TTC34: variants seen among roughly 807,000 people sequenced by gnomAD.
TTC34 encodes tetratricopeptide repeat protein 34.
Under a neutral mutation model 40.7 loss-of-function variants are expected in TTC34, and 44 were observed. The ratio of observed to expected loss-of-function variants is 1.08; its 90% confidence interval spans 0.85 to 1.39. The LOEUF (loss-of-function observed/expected upper bound fraction) is 1.39. TTC34 is among the 40% of genes most tolerant of loss of function. The pLI is 0.00. For synonymous variants in TTC34, 422 were observed against 398.6 expected, an observed-to-expected ratio of 1.06 and a Z score of -0.70; for missense variants, 884 against 838.0, an observed-to-expected ratio of 1.05 and a Z score of -0.68.
intron 6 of TTC34, among the ~76,000 whole-genome samples, chr1:2,752,733 C>T (rs1400917846): frequency 3.4e-5 from 4 of 118,076 alleles, no homozygotes; most frequent in East Asian, 5.7e-4. Context: ...GCACCCTGCA[C>T]CCCCAGGACA....
chr1:2,775,667 C>G lies in TTC34; in HGVS notation c.2226+7942G>C, dbSNP rs562541793. ...TCTGACAGGATAAAACAGCACCCCA[C>G]AACCCCAGGTGATCATTTGCCAGCC... On this transcript the variant is annotated intron_variant, in intron 6 of 8. Coordinates refer to ENST00000401095, the Ensembl canonical transcript of TTC34. 35 of 148,762 alleles carry G rather than the reference C, an allele frequency of 2.4e-4. 2 individuals carry two copies. Among genetic ancestry groups the G allele is most frequent in the African/African-American group, 8.6e-4 (33 of 38,376 alleles). 9.2% of individuals were successfully genotyped at this position (148,762 alleles called of 1,614,324 possible). A position where few individuals can be genotyped will look rare whatever the true frequency, so the allele number is the denominator to read the frequency against.
intron 6 of TTC34, among the ~76,000 whole-genome samples, chr1:2,677,614 C>CG (rs1639956716): frequency 1.2e-5 from 1 of 82,524 alleles, no homozygotes; most frequent in South Asian, 4.5e-4. Flanking sequence ...GCTGCCCCCC[C>CG]AGGTGAGCAT....
chr1:2,686,997 C>A (rs1640390086), intron 6 of TTC34, among the ~76,000 whole-genome samples: 3 of 150,066 alleles, frequency 2.0e-5, no homozygotes, highest in Non-Finnish European at 4.4e-5. Flanking sequence ...TGGAAAAGCA[C>A]CCACACCCCC....
intron 6 of TTC34, among the ~76,000 whole-genome samples, chr1:2,674,983 C>A (rs4648715): frequency 7.9e-6 from 1 of 127,242 alleles, no homozygotes; most frequent in African/African-American, 3.0e-5. Flanking sequence ...ACCTGACAAC[C>A]TGGAGCAGCA....
chr1:2,643,077 T>C (rs376070923), intron 8 of TTC34, among the ~76,000 whole-genome samples: 8 of 152,064 alleles, frequency 5.3e-5, no homozygotes, highest in African/African-American at 4.8e-5. Context: ...GCCGGGTCCA[T>C]GGCAGCAGGA....
intron 6 of TTC34, among the ~76,000 whole-genome samples, chr1:2,688,314 G>C (rs201698618): frequency 7.9e-6 from 1 of 125,954 alleles, no homozygotes; most frequent in African/African-American, 3.2e-5. Context: ...TGACAGCCTG[G>C]AGCAGAACCC....
chr1:2,697,555 C>CCACACCCG (rs1640923285), intron 6 of TTC34, among the ~76,000 whole-genome samples: 1 of 67,868 alleles, frequency 1.5e-5, no homozygotes, highest in African/African-American at 5.1e-5. Flanking sequence ...GGCCTGGAAC[C>CCACACCCG]GCACCCACAC....
chr1:2,752,900 GGTGA>G (rs1641371766), intron 6 of TTC34, among the ~76,000 whole-genome samples: 1 of 128,416 alleles, frequency 7.8e-6, no homozygotes, highest in African/African-American at 2.9e-5. Context: ...CACACCCCCA[GGTGA>G]GCATCCGACA....
chr1:2,753,054 C>A (rs1641377434), intron 6 of TTC34, among the ~76,000 whole-genome samples: 6 of 149,648 alleles, frequency 4.0e-5, no homozygotes, highest in South Asian at 2.1e-4. Flanking sequence ...AGCACCCACA[C>A]CCCCAGGTGA....
intron 2 of TTC34, among the ~76,000 whole-genome samples, chr1:2,794,215 C>G (rs1201799854): frequency 6.6e-6 from 1 of 152,148 alleles, no homozygotes; most frequent in Non-Finnish European, 1.5e-5. Flanking sequence ...CTATGTTGCC[C>G]AGGCTGGTGT....
intron 6 of TTC34, among the ~76,000 whole-genome samples, chr1:2,779,331 TC>T: frequency 6.6e-6 from 1 of 152,090 alleles, no homozygotes; most frequent in Non-Finnish European, 1.5e-5. Flanking sequence ...ATTTTTTTTT[TC>T]TTTTTTTTGG....
intron 6 of TTC34, among the ~76,000 whole-genome samples, chr1:2,647,567 G>A (rs1331158562): frequency 2.0e-5 from 3 of 152,212 alleles, no homozygotes; most frequent in Admixed American, 6.5e-5. Context: ...CCAGGAGGTG[G>A]AGGTTGCGGT....
chr1:2,753,571 C>G (rs1641398129), intron 6 of TTC34, among the ~76,000 whole-genome samples: 2 of 103,524 alleles, frequency 1.9e-5, no homozygotes, highest in Non-Finnish European at 3.6e-5. Flanking sequence ...GGAACAGCAC[C>G]CACACCCCCA....
Position 2,769,674 on chromosome 1 carries a change from C to A in TTC34, c.2226+13935G>T, listed in dbSNP as rs1393017903. ...CAGCCTGGAGCAGCACCCTACACCC[C>A]CAGGGGAGCATCTGACAGTCTGGAG... is the stretch of plus-strand genomic sequence containing the variant. On this transcript the variant is annotated intron_variant, in intron 6 of 8. Transcript: ENST00000401095. Among the ~76,000 whole-genome samples the A allele has an allele frequency of 3.0e-4, 40 of 131,234 alleles. 1 individual carries two copies. Among genetic ancestry groups the A allele is most frequent in the Non-Finnish European group, 2.0e-4 (12 of 60,660 alleles). 86.1% of individuals were successfully genotyped at this position (131,234 alleles called of 152,430 possible). A position where few individuals can be genotyped will look rare whatever the true frequency, so the allele number is the denominator to read the frequency against.
intron 8 of TTC34, 36 bp downstream of exon 8, chr1:2,644,228 G>C: frequency 6.6e-7 from 1 of 1,516,804 alleles, no homozygotes; most frequent in South Asian, 1.2e-5. Context: ...TGCTGGGGAA[G>C]GTTGGGGTGG....
intron 6 of TTC34, among the ~76,000 whole-genome samples, chr1:2,685,084 G>A (rs1640265530): frequency 2.1e-5 from 3 of 144,054 alleles, no homozygotes; most frequent in Non-Finnish European, 4.5e-5. Context: ...TGCACCCCCA[G>A]GTGTGCACGT....
intron 6 of TTC34, among the ~76,000 whole-genome samples, chr1:2,782,992 A>G (rs1208044069): frequency 6.6e-6 from 1 of 152,228 alleles, no homozygotes; most frequent in Non-Finnish European, 1.5e-5. Flanking sequence ...ATCTTCCAGC[A>G]CACAGGCCTC....
chr1:2,800,125 G>A (rs1643755921), exon 2 of TTC34: 1 of 398,456 alleles, frequency 2.5e-6, no homozygotes, highest in African/African-American at 2.1e-5. Flanking sequence ...CCGCTGTGGA[G>A]CAGAGCTTCA....
intron 6 of TTC34, among the ~76,000 whole-genome samples, chr1:2,687,572 G>A (rs1242961542): frequency 2.1e-5 from 3 of 144,802 alleles, no homozygotes; most frequent in Non-Finnish European, 3.0e-5. Context: ...TGCACCGCCA[G>A]GTGACGATCT....
Sources: gnomAD v4.1 joint callset for allele counts (sites outside exome capture counted in the v4.1 genomes callset) on GRCh38, gnomAD v4.1.1 for gene constraint, MANE v1.5 for transcripts, NCBI Gene and HGNC (gene_info 2026-07-23, HGNC 2026-07-21) for gene names.